DUXB: variants seen among roughly 807,000 people sequenced by gnomAD.
The protein encoded by DUXB is double homeobox B, also known as double homeobox protein B.
In DUXB, 22 loss-of-function variants were observed where a neutral mutation model predicts 8.9. That is an observed-to-expected ratio of 2.46 (90% CI 1.76 to 3.52). The LOEUF (loss-of-function observed/expected upper bound fraction) is 3.52, where lower values mean the gene tolerates loss of function less well. Among genes scored for constraint, DUXB ranks in the 30% most tolerant of loss-of-function variants. The pLI is 0.00. For synonymous variants in DUXB, 84 were observed against 37.6 expected (o/e 2.23, Z -4.52); for missense variants, 237 against 108.7 (o/e 2.18, Z -5.25).
intron 2 of DUXB, among the ~76,000 whole-genome samples, chr16:75,697,608 G>A (rs1030649876): frequency 2.0e-5 from 3 of 152,166 alleles, no homozygotes; most frequent in Non-Finnish European, 4.4e-5. Flanking sequence ...TTATTATTTT[G>A]ATAATTAGAT....
rs1195909021 is a variant in DUXB at position 75,696,909 on chromosome 16, T to C, written c.215A>G (p.Lys72Arg). ...WFKNYRVKQR[K>R]LDYKCFSEKD... ...TTCTGAGAAGCACTTATAATCCAGT[T>C]TTCTCTGTTTTACTCTGTAATTTTT... The change falls in exon 3 of 5, where the codon AAA (lysine) becomes AGA (arginine). Residue 72 changes from lysine (K) to arginine (R), a missense_variant. By Grantham distance (26) the Lys-to-Arg change is conservative. Transcript: ENST00000633875. 1 of 702,950 alleles carries C rather than the reference T, an allele frequency of 1.4e-6. No individual in the cohort carries two copies. Among genetic ancestry groups the C allele is most frequent in the Non-Finnish European group, 2.6e-6 (1 of 384,988 alleles). The allele number at this position is 702,950 out of a possible 1,614,324, so 43.5% of individuals were successfully genotyped here.
At position 75,696,818 on chromosome 16, in the gene DUXB, G is replaced by T. The variant is rs533667433; in HGVS notation, c.286+20C>A. The T allele has an allele frequency of 4.3e-6, 3 of 700,758 alleles. No homozygotes were observed. The highest frequency in any genetic ancestry group is 3.5e-5 in the African/African-American group (2 of 57,188). The allele number at this position is 700,758 out of a possible 1,614,324, so 43.4% of individuals were successfully genotyped here. ...TTTGGGCACAACGTACTCTCAATGG[G>T]ACCCATTGAGCATTCTTACCTTGAG... On this transcript the variant is annotated intron_variant, in intron 3 of 4. Transcript: ENST00000633875.
chr16:75,694,262 C>T lies in DUXB; in HGVS notation c.705G>A (p.Met235Ile), dbSNP rs1049491689. ...RFHVSQGPNV[M>I]IMQPTQAVQE... ...GCACAGCCTGTGTGGGCTGCATGAT[C>T]ATGACATTTGGTCCTTGGCTCACAT... The change falls in exon 5 of 5, where the codon ATG (methionine) becomes ATA (isoleucine). Residue 235 changes from methionine (M) to isoleucine (I), a missense_variant. Met to Ile is a conservative substitution (Grantham distance 10). Transcript: ENST00000633875. 6.8e-6 allele frequency: 4 copies of T among 591,102 alleles called. No homozygotes were observed. Among genetic ancestry groups the T allele is most frequent in the East Asian group, 5.7e-5 (2 of 35,360 alleles). 36.6% of individuals were successfully genotyped at this position (591,102 alleles called of 1,614,324 possible).
At chr16:75,700,937 C>A (rs193095040) in intron 1 of DUXB, among the ~76,000 whole-genome samples, 1 of 151,776 alleles carries the variant, frequency 6.6e-6, no homozygotes, top group African/African-American at 2.4e-5. Flanking sequence ...AGAGAACTTA[C>A]GGAAAATGTA....
At chr16:75,700,543 A>G (rs1959204185) in intron 1 of DUXB, among the ~76,000 whole-genome samples, 1 of 151,690 alleles carries the variant, frequency 6.6e-6, no homozygotes, top group Admixed American at 6.6e-5. Context: ...TTTGAGATGG[A>G]GTCTCGATCT....
chr16:75,695,637 A>T (rs2082599643), intron 4 of DUXB, among the ~76,000 whole-genome samples: 1 of 152,206 alleles, frequency 6.6e-6, no homozygotes, highest in Non-Finnish European at 1.5e-5. Context: ...AGGAATGCTG[A>T]CCAATATCCT....
At chr16:75,695,141 A>G (rs1011412999) in intron 4 of DUXB, among the ~76,000 whole-genome samples, 1 of 152,238 alleles carries the variant, frequency 6.6e-6, no homozygotes, top group African/African-American at 2.4e-5. Context: ...GTATGTTTGT[A>G]TATATACATA....
At position 75,694,312 on chromosome 16, in the gene DUXB, C is replaced by A. The variant is rs1266301260; in HGVS notation, c.655G>T (p.Ala219Ser). The change falls in exon 5 of 5, where the codon GCT becomes TCT. Residue 219 changes from alanine (A) to serine (S), a missense_variant. Ala to Ser is a moderately conservative substitution (Grantham distance 99). Transcript: ENST00000633875. ...TLPPVLPSTQ[A>S]PWDPFRFHVS... ...TGGAACCTGAAGGGATCCCAAGGAG[C>A]CTGGGTTGAAGGAAGAACAGGTGGA... 1.9e-5 allele frequency: 12 copies of A among 617,666 alleles called. No individual in the cohort carries two copies. Among genetic ancestry groups the A allele is most frequent in the Non-Finnish European group, 3.2e-5 (11 of 349,124 alleles). 38.3% of individuals were successfully genotyped at this position (617,666 alleles called of 1,614,324 possible).
At chr16:75,696,802 A>C in intron 3 of DUXB, 36 bp downstream of exon 3, 1 of 689,950 alleles carries the variant, frequency 1.4e-6, no homozygotes, top group Non-Finnish European at 2.6e-6. Flanking sequence ...ATTTGGGCAC[A>C]ACGTACTCTC....
At chr16:75,699,380 G>C (rs528999918) in intron 2 of DUXB, among the ~76,000 whole-genome samples, 1 of 152,014 alleles carries the variant, frequency 6.6e-6, no homozygotes, top group East Asian at 1.9e-4. Flanking sequence ...TAAAATATAG[G>C]ACATAATTAT....
intron 3 of DUXB, among the ~76,000 whole-genome samples, 187 bp downstream of exon 3, chr16:75,696,651 G>A (rs1311777483): frequency 6.6e-6 from 1 of 152,198 alleles, no homozygotes; most frequent in Non-Finnish European, 1.5e-5. Flanking sequence ...TGCCTATGGA[G>A]TAGCCATTCT....
In DUXB at chr16:75,700,052, A is replaced by G; in HGVS notation, c.143T>C (p.Leu48Pro). The G allele has an allele frequency of 1.4e-6, 1 of 701,926 alleles. No homozygotes were observed. The highest frequency in any genetic ancestry group is 1.5e-5 in the South Asian group (1 of 67,152). The allele number at this position is 701,926 out of a possible 1,614,324, so 43.5% of individuals were successfully genotyped here. Residue 48 changes from leucine (L) to proline (P), a missense_variant, in exon 2 of 5, where the codon CTG (leucine) becomes CCG (proline). Physicochemically the swap from Leu to Pro is moderately conservative, Grantham distance 98 (BLOSUM62 -3). Transcript: ENST00000633875. ...TTCTGGAACCCCAATTTCTTTGGCC[A>G]GTTGTTCTCTGGCAGCTTTATCAGG... Reference protein sequence around the residue: ...PFPDKAAREQLAKEIGVPESN... With the variant: ...PFPDKAAREQPAKEIGVPESN...
chr16:75,695,799 T>C, intron 4 of DUXB, 162 bp downstream of exon 4: 1 of 595,978 alleles, frequency 1.7e-6, no homozygotes, highest in African/African-American at 1.9e-5. Flanking sequence ...TTGAAAATTC[T>C]TCCTTGACAA....
Position 75,694,424 on chromosome 16 carries a change from A to G in DUXB, c.543T>C (p.Val181=), listed in dbSNP as rs1258756468. Residue 181 remains valine, a synonymous_variant, in exon 5 of 5, where the codon GTT becomes GTC. Transcript: ENST00000633875. ...DDPNERPDAT[V]GWHPINLFLP... is the part of the protein sequence containing the mutation. Reference sequence around the variant, plus strand: ...GGAACAGGTTGATTGGATGCCACCCAACAGTTGCATCTGGTCTCTCATTTG... The same window carrying G: ...GGAACAGGTTGATTGGATGCCACCCGACAGTTGCATCTGGTCTCTCATTTG... The G allele has an allele frequency of 4.0e-5, 28 of 701,590 alleles. No homozygotes were observed. The highest frequency in any genetic ancestry group is 7.3e-5 in the Non-Finnish European group (28 of 384,676). The allele number at this position is 701,590 out of a possible 1,614,324, so 43.5% of individuals were successfully genotyped here. A position where few individuals can be genotyped will look rare whatever the true frequency, so the allele number is the denominator to read the frequency against.
chr16:75,697,124 C>T (rs758682885), intron 2 of DUXB, among the ~76,000 whole-genome samples, 181 bp from the exon 3 acceptor site: 6 of 152,310 alleles, frequency 3.9e-5, no homozygotes, highest in East Asian at 1.9e-4. Context: ...GGACCACACA[C>T]GCATCTCCCT....
chr16:75,696,198 T>C (rs1597209837), intron 3 of DUXB, 83 bp from the exon 4 acceptor site: 1 of 667,558 alleles, frequency 1.5e-6, no homozygotes, highest in East Asian at 2.7e-5. Flanking sequence ...CTGGCCATAT[T>C]TGTTCTCTCT....
chr16:75,695,197 AG>A (rs1165087769), intron 4 of DUXB, among the ~76,000 whole-genome samples: 1 of 152,222 alleles, frequency 6.6e-6, no homozygotes, highest in Non-Finnish European at 1.5e-5. Flanking sequence ...TTAGCAATTA[AG>A]TATAGGTGAG....
At chr16:75,699,148 G>A (rs1959197845) in intron 2 of DUXB, among the ~76,000 whole-genome samples, 2 of 152,082 alleles carry the variant, frequency 1.3e-5, no homozygotes, top group South Asian at 4.1e-4. Context: ...ACCCAGTCCA[G>A]GTATCTTTCT....
Position 75,696,827 on chromosome 16 carries a change from A to G in DUXB, c.286+11T>C. On this transcript the variant is annotated intron_variant, in intron 3 of 4. Coordinates refer to ENST00000633875, the MANE Select transcript of DUXB (RefSeq NM_001351307.2). ...AACGTACTCTCAATGGGACCCATTGAGCATTCTTACCTTGAGTCAGATGCT... is the reference window on the plus strand; with the variant it reads ...AACGTACTCTCAATGGGACCCATTGGGCATTCTTACCTTGAGTCAGATGCT... 1 of 701,730 alleles carries G rather than the reference A, an allele frequency of 1.4e-6. No individual in the cohort carries two copies. Among genetic ancestry groups the G allele is most frequent in the South Asian group, 1.5e-5 (1 of 67,320 alleles). The allele number at this position is 701,730 out of a possible 1,614,324, so 43.5% of individuals were successfully genotyped here.
Sources: allele counts gnomAD v4.1 joint callset (sites outside exome capture counted in the v4.1 genomes callset), GRCh38; gene constraint gnomAD v4.1.1; transcripts MANE v1.5; gene names NCBI Gene and HGNC (gene_info 2026-07-23, HGNC 2026-07-21).